The following SAFB2 variants were observed in gnomAD, a reference collection of about 807,000 sequenced individuals.
SAFB2 encodes scaffold attachment factor B2.
A neutral mutation model predicts 100.6 loss-of-function variants in SAFB2; 32 were observed. That is an observed-to-expected ratio of 0.32 (90% CI 0.24 to 0.43). The LOEUF (loss-of-function observed/expected upper bound fraction) is 0.43, where lower values mean the gene tolerates loss of function less well. Among genes scored for constraint, SAFB2 ranks in the 20% least tolerant of loss-of-function variants. The probability of loss-of-function intolerance (pLI) is 1.00; values close to 1 mark genes in which losing one functional copy is unlikely to be tolerated. For synonymous variants in SAFB2, 500 were observed against 439.4 expected (o/e 1.14, Z -1.72); for missense variants, 1,185 against 1,163.4 (o/e 1.02, Z -0.27).
In SAFB2 at chr19:5,590,341, C is replaced by A. The variant is rs759834997; in HGVS notation, c.2462G>T (p.Gly821Val). Reference sequence around the variant, plus strand: ...CTTGTCGGAGCCGTAGCCCCCCCAGCCATCACGGGAGTCCCGGCCGTGGCG... The same window carrying A: ...CTTGTCGGAGCCGTAGCCCCCCCAGACATCACGGGAGTCCCGGCCGTGGCG... ...PERHGRDSRDGWGGYGSDKRL... is the reference protein window; with the variant it reads ...PERHGRDSRDVWGGYGSDKRL... Residue 821 changes from glycine to valine, a missense_variant, in exon 18 of 21, where the codon GGC becomes GTC. Physicochemically the swap from Gly to Val is moderately radical, Grantham distance 109. Transcript: ENST00000252542. The A allele has an allele frequency of 1.2e-6, 2 of 1,610,804 alleles. No homozygotes were observed. The highest frequency in any genetic ancestry group is 1.7e-4 in the Middle Eastern group (1 of 6,052).
chr19:5,594,269 GAA>G, intron 14 of SAFB2, 91 bp from the exon 15 acceptor site: 2 of 1,280,394 alleles, frequency 1.6e-6, no homozygotes, highest in Non-Finnish European at 2.0e-6. Context: ...ATTGGAAGCA[GAA>G]AAAAAAAATG....
Position 5,587,521 on chromosome 19 carries a change from A to T in SAFB2, c.2706-122T>A. The T allele has an allele frequency of 1.4e-6, 2 of 1,477,912 alleles. No homozygotes were observed. The highest frequency in any genetic ancestry group is 4.8e-5 in the Admixed American group (2 of 41,566). 91.5% of individuals were successfully genotyped at this position (1,477,912 alleles called of 1,614,324 possible). ...TGGGTTTTTTTTCCAGGTGAGAAAA[A>T]TCATCATCGCACATTGTATTCCAGG... On this transcript the variant is annotated intron_variant, in intron 20 of 20. Transcript: ENST00000252542. This position sits in a 1 kb window ranked among gnomAD's most constrained non-coding sequence, Gnocchi z 4.9.
In SAFB2 at chr19:5,587,452, T is replaced by TCGTAACATGGGTTCAGTAA; in HGVS notation, c.2706-72_2706-54dup. ...CCCCTTGAAGTGCTCAGCGTTTTCA[T>TCGTAACATGGGTTCAGTAA]CGTAACATGGGTTCAGTAACGGTCC... On this transcript the variant is annotated intron_variant, in intron 20 of 20. Coordinates refer to ENST00000252542, the MANE Select transcript of SAFB2 (RefSeq NM_014649.3). The surrounding 1 kb of genome is among the most constrained non-coding windows in gnomAD (Gnocchi z 4.9). 6.4e-7 allele frequency: 1 copy of TCGTAACATGGGTTCAGTAA among 1,555,302 alleles called. No homozygotes were observed. Among genetic ancestry groups the TCGTAACATGGGTTCAGTAA allele is most frequent in the Non-Finnish European group, 8.7e-7 (1 of 1,146,758 alleles).
At chr19:5,596,178 G>C (rs1173201312) in intron 13 of SAFB2, among the ~76,000 whole-genome samples, 3 of 152,210 alleles carry the variant, frequency 2.0e-5, no homozygotes, top group Non-Finnish European at 2.9e-5. Context: ...CAGAAGAATC[G>C]CTTGAACCTG....
chr19:5,590,762 C>T (rs1046906101), intron 17 of SAFB2, among the ~76,000 whole-genome samples: 5 of 151,118 alleles, frequency 3.3e-5, no homozygotes, highest in South Asian at 4.2e-4. Context: ...GGAGGGCCCT[C>T]GGGTGGGTCA....
Position 5,595,454 on chromosome 19 carries a change from C to G in SAFB2, c.1826G>C (p.Arg609Thr), listed in dbSNP as rs200705389. 7.0e-5 allele frequency: 113 copies of G among 1,613,874 alleles called. No individual in the cohort carries two copies. The highest frequency in any genetic ancestry group is 1.6e-4 in the Middle Eastern group (1 of 6,084). ...GATTTTATCAAACGACAAGATGTCT[C>G]TCTTTTCTTTGCTTTCTGACTTGCG... ...QDRKSESKEK[R>T]DILSFDKIKE... The change falls in exon 14 of 21, where the codon AGA becomes ACA. Residue 609 changes from arginine to threonine, a missense_variant. This residue lies in a region of SAFB2 where 740 missense variants were observed against 687.1 expected (regional missense o/e 1.08). Transcript: ENST00000252542.
At chr19:5,619,845 C>CAA (rs1275954240) in intron 2 of SAFB2, among the ~76,000 whole-genome samples, 1,107 of 103,688 alleles carry the variant, frequency 0.011, 8 homozygotes, top group Middle Eastern at 0.019. Flanking sequence ...AACTCCATCG[C>CAA]AAAAAAAAAA....
At chr19:5,604,975 G>T in intron 9 of SAFB2, 39 bp from the exon 10 acceptor site, 1 of 1,598,418 alleles carries the variant, frequency 6.3e-7, no homozygotes, top group South Asian at 1.1e-5. Flanking sequence ...TCATACAAAT[G>T]ACCACACAAC....
intron 5 of SAFB2, 78 bp downstream of exon 5, chr19:5,613,385 CAT>C (rs145997637): frequency 0.068 from 83,375 of 1,227,274 alleles, 3,051 homozygotes; most frequent in South Asian, 0.1. Context: ...TTTCCATACA[CAT>C]ACACACTGCT....
intron 18 of SAFB2, among the ~76,000 whole-genome samples, chr19:5,589,601 A>G (rs886462766): frequency 6.6e-6 from 1 of 152,162 alleles, no homozygotes; most frequent in East Asian, 1.9e-4. Flanking sequence ...CGGCCAGCCC[A>G]GACGGCAACA....
chr19:5,590,160 T>G, intron 18 of SAFB2, 118 bp downstream of exon 18: 6 of 918,296 alleles, frequency 6.5e-6, no homozygotes, highest in Non-Finnish European at 9.3e-6. Flanking sequence ...GGACCCCTGG[T>G]AGCCCATCCT....
intron 6 of SAFB2, 153 bp downstream of exon 6, chr19:5,612,387 G>A (rs2052927409): frequency 5.6e-6 from 4 of 717,926 alleles, no homozygotes; most frequent in South Asian, 3.3e-5. Context: ...CTGGTGATAC[G>A]AATGGGTTTC....
chr19:5,593,883 G>A lies in SAFB2; in HGVS notation c.2207+8C>T, dbSNP rs1365550625. ...CTCCGTCCTGCCCACGCTCTGGGCG[G>A]GACTCACCGGTCCAGGTCGTAGGGC... On this transcript the variant is annotated splice_region_variant and intron_variant, in intron 15 of 20. Coordinates refer to ENST00000252542, the MANE Select transcript of SAFB2 (RefSeq NM_014649.3). 1 of 1,484,510 alleles carries A rather than the reference G, an allele frequency of 6.7e-7. No individual in the cohort carries two copies. Among genetic ancestry groups the A allele is most frequent in the South Asian group, 1.4e-5 (1 of 71,796 alleles). The allele number at this position is 1,484,510 out of a possible 1,614,324, so 92.0% of individuals were successfully genotyped here. A position where few individuals can be genotyped will look rare whatever the true frequency, so the allele number is the denominator to read the frequency against.
chr19:5,592,204 G>C (rs186354395), intron 16 of SAFB2, among the ~76,000 whole-genome samples: 1 of 152,122 alleles, frequency 6.6e-6, no homozygotes, highest in Non-Finnish European at 1.5e-5. Flanking sequence ...CTGACATTCC[G>C]ACTGAAGGAG....
chr19:5,590,174 G>T, intron 18 of SAFB2, 104 bp downstream of exon 18: 1 of 1,090,578 alleles, frequency 9.2e-7, no homozygotes, highest in Non-Finnish European at 1.2e-6. Context: ...CCATCCTAAA[G>T]CTCCCCTAGC....
chr19:5,617,922 G>T (rs998165127), intron 2 of SAFB2, among the ~76,000 whole-genome samples: 1 of 152,108 alleles, frequency 6.6e-6, no homozygotes, highest in African/African-American at 2.4e-5. Context: ...CAGGTGGCTC[G>T]CTTGAGCCTA....
chr19:5,613,315 C>T (rs913621015), intron 5 of SAFB2, 150 bp downstream of exon 5: 3 of 696,724 alleles, frequency 4.3e-6, no homozygotes, highest in African/African-American at 3.6e-5. Context: ...ATGGCCAGCC[C>T]TGAGACTGTT....
At chr19:5,596,797 A>T (rs2052544252) in intron 13 of SAFB2, among the ~76,000 whole-genome samples, 2 of 152,162 alleles carry the variant, frequency 1.3e-5, no homozygotes, top group Non-Finnish European at 2.9e-5. Flanking sequence ...CCTCCTGCTG[A>T]TCCACACAGA....
intron 18 of SAFB2, among the ~76,000 whole-genome samples, chr19:5,588,453 G>A (rs886825544): frequency 1.3e-5 from 2 of 152,166 alleles, no homozygotes; most frequent in African/African-American, 2.4e-5. Context: ...TGTTCCTAGC[G>A]GCAGGATTCC....
Sources: gnomAD v4.1 joint callset for allele counts (sites outside exome capture counted in the v4.1 genomes callset) on GRCh38, gnomAD v4.1.1 for gene constraint, gnomAD v4.1.1 regional missense constraint, Gnocchi (gnomAD v3.1) non-coding constraint, MANE v1.5 for transcripts, NCBI Gene and HGNC (gene_info 2026-07-23, HGNC 2026-07-21) for gene names.